LRBA: variants seen among roughly 807,000 people sequenced by gnomAD.
The protein encoded by LRBA is LPS responsive beige-like anchor protein.
Under a neutral mutation model 330.0 loss-of-function variants are expected in LRBA, and 176 were observed. The ratio of observed to expected loss-of-function variants is 0.53; its 90% confidence interval spans 0.47 to 0.60. The LOEUF (loss-of-function observed/expected upper bound fraction) is 0.60, where lower values mean the gene tolerates loss of function less well. Ranked by LOEUF, LRBA falls within the 20% of genes least tolerant of loss-of-function variation. The pLI is 0.00. For missense variants in LRBA, 3,259 were observed against 3,444.8 expected (o/e 0.95, Z 1.35); for synonymous variants, 1,230 against 1,193.0 (o/e 1.03, Z -0.64).
At chr4:150,601,325 A>G (rs776743055) in intron 37 of LRBA, among the ~76,000 whole-genome samples, 136 of 152,330 alleles carry the variant, frequency 8.9e-4, no homozygotes, top group Middle Eastern at 3.4e-3. Flanking sequence ...ATTAGGTAAC[A>G]ATAGATTCTA....
At chr4:150,788,896 G>A (rs1003881741) in intron 34 of LRBA, among the ~76,000 whole-genome samples, 1 of 152,028 alleles carries the variant, frequency 6.6e-6, no homozygotes, top group Non-Finnish European at 1.5e-5. Context: ...CCAACATGGT[G>A]AAACCCCATC....
At chr4:150,572,254 A>C (rs905963098) in intron 40 of LRBA, among the ~76,000 whole-genome samples, 1 of 152,144 alleles carries the variant, frequency 6.6e-6, no homozygotes, top group South Asian at 2.1e-4. Context: ...ACAGAAAGTC[A>C]AACAGCAACT....
chr4:150,815,485 T>C (rs550102589), intron 31 of LRBA, among the ~76,000 whole-genome samples: 15 of 152,010 alleles, frequency 9.9e-5, no homozygotes, highest in African/African-American at 3.4e-4. Flanking sequence ...TGACAGGGTA[T>C]TTGAGAATTC....
At chr4:150,887,200 A>G (rs947985343) in intron 17 of LRBA, among the ~76,000 whole-genome samples, 3 of 152,202 alleles carry the variant, frequency 2.0e-5, no homozygotes, top group African/African-American at 7.2e-5. Flanking sequence ...CTTGAAATGC[A>G]TACTATCTGA....
intron 17 of LRBA, among the ~76,000 whole-genome samples, chr4:150,887,474 C>T (rs951451131): frequency 6.6e-6 from 1 of 151,910 alleles, no homozygotes; most frequent in Non-Finnish European, 1.5e-5. Context: ...AAGAACCGGC[C>T]GGGAGCAGTG....
At chr4:150,874,494 T>C (rs140765951) in intron 17 of LRBA, among the ~76,000 whole-genome samples, 118 of 152,276 alleles carry the variant, frequency 7.7e-4, no homozygotes, top group Non-Finnish European at 1.5e-3. Context: ...GGTGTTATAA[T>C]TGTACTCTAC....
intron 40 of LRBA, among the ~76,000 whole-genome samples, chr4:150,533,857 C>T (rs945086802): frequency 6.6e-6 from 1 of 152,134 alleles, no homozygotes; most frequent in Non-Finnish European, 1.5e-5. Flanking sequence ...ATAGAGATCA[C>T]AGTGGCTGAT....
chr4:150,681,132 A>G (rs1230141640), intron 37 of LRBA, among the ~76,000 whole-genome samples: 1 of 152,230 alleles, frequency 6.6e-6, no homozygotes, highest in Non-Finnish European at 1.5e-5. Context: ...CTCATTGTGC[A>G]TATTTCTTTT....
intron 2 of LRBA, among the ~76,000 whole-genome samples, chr4:150,999,551 C>A (rs560271858): frequency 3.0e-4 from 45 of 151,976 alleles, no homozygotes; most frequent in Non-Finnish European, 6.0e-4. Flanking sequence ...GCATGAGCCA[C>A]CGTGCCTGGT....
intron 47 of LRBA, 116 bp downstream of exon 47, chr4:150,415,322 G>T: frequency 1.3e-6 from 1 of 754,162 alleles, no homozygotes; most frequent in Non-Finnish European, 2.1e-6. Flanking sequence ...CTTTCAGTTA[G>T]TCCTATCACC....
chr4:150,571,277 G>T (rs1053307385), intron 40 of LRBA, among the ~76,000 whole-genome samples: 3 of 151,794 alleles, frequency 2.0e-5, no homozygotes, highest in Non-Finnish European at 2.9e-5. Context: ...ATGATATAGA[G>T]ATTGCAAGAT....
At position 150,908,877 on chromosome 4, in the gene LRBA, A is replaced by C. The variant is rs779695398; in HGVS notation, c.1162-20T>G. Reference sequence around the variant, plus strand: ...TGTACCCTAAGAATTAATTAAAAACAGTTAAATAGTATGCCACAAAGAGAA... The same window carrying C: ...TGTACCCTAAGAATTAATTAAAAACCGTTAAATAGTATGCCACAAAGAGAA... On this transcript the variant is annotated intron_variant, in intron 9 of 56. Coordinates refer to ENST00000651943, the MANE Select transcript of LRBA (RefSeq NM_001364905.1). 1.3e-6 allele frequency: 2 copies of C among 1,531,052 alleles called. No homozygotes were observed. The highest frequency in any genetic ancestry group is 1.8e-6 in the Non-Finnish European group (2 of 1,110,056). The allele number at this position is 1,531,052 out of a possible 1,614,324, so 94.8% of individuals were successfully genotyped here.
intron 40 of LRBA, among the ~76,000 whole-genome samples, chr4:150,535,085 T>A (rs1435020964): frequency 6.6e-6 from 1 of 152,220 alleles, no homozygotes; most frequent in African/African-American, 2.4e-5. Context: ...ATAGTTTCAA[T>A]ATTTTACAAT....
At chr4:150,738,663 A>C (rs1473427039) in intron 35 of LRBA, among the ~76,000 whole-genome samples, 1 of 152,224 alleles carries the variant, frequency 6.6e-6, no homozygotes, top group East Asian at 1.9e-4. Context: ...AGGCAAGAGA[A>C]ACCAACTGAA....
At chr4:150,523,752 A>G (rs1434030539) in intron 40 of LRBA, among the ~76,000 whole-genome samples, 1 of 152,076 alleles carries the variant, frequency 6.6e-6, no homozygotes, top group Non-Finnish European at 1.5e-5. Flanking sequence ...GACTATCCTC[A>G]GAGGGAGGTG....
intron 52 of LRBA, among the ~76,000 whole-genome samples, chr4:150,310,020 G>A (rs969706124): frequency 3.9e-5 from 6 of 152,042 alleles, no homozygotes; most frequent in African/African-American, 1.4e-4. Context: ...ATAAAAAACT[G>A]TCTCTTACAA....
intron 37 of LRBA, among the ~76,000 whole-genome samples, chr4:150,651,083 T>A (rs918691256): frequency 6.6e-6 from 1 of 152,210 alleles, no homozygotes; most frequent in Non-Finnish European, 1.5e-5. Flanking sequence ...TTAAATTTTA[T>A]GGCAAAAGTT....
chr4:150,733,784 T>C (rs1746864664), intron 36 of LRBA, among the ~76,000 whole-genome samples: 1 of 152,144 alleles, frequency 6.6e-6, no homozygotes, highest in South Asian at 2.1e-4. Flanking sequence ...CTTAGCTGGT[T>C]ACTGACTGTC....
chr4:150,704,631 A>C (rs1785439867), intron 36 of LRBA, among the ~76,000 whole-genome samples: 1 of 152,138 alleles, frequency 6.6e-6, no homozygotes, highest in Non-Finnish European at 1.5e-5. Context: ...GAAGCATTTC[A>C]TATGCTTATA....
Sources: gnomAD v4.1 joint callset for allele counts (sites outside exome capture counted in the v4.1 genomes callset) on GRCh38, gnomAD v4.1.1 for gene constraint, MANE v1.5 for transcripts, NCBI Gene and HGNC (gene_info 2026-07-23, HGNC 2026-07-21) for gene names.